Variants in CHGB observed in about 807,000 individuals in gnomAD.
CHGB encodes the protein chromogranin B.
A neutral mutation model predicts 69.9 loss-of-function variants in CHGB; 46 were observed. The ratio of observed to expected loss-of-function variants is 0.66; its 90% CI spans 0.52 to 0.84. The LOEUF (loss-of-function observed/expected upper bound fraction) is 0.84, where lower values mean the gene tolerates loss of function less well. Ranked by LOEUF, CHGB falls within the 40% of genes least tolerant of loss-of-function variation. The pLI is 0.00. For missense variants in CHGB, 796 were observed against 822.2 expected (o/e 0.97, Z 0.39); for synonymous variants, 312 against 298.2 (o/e 1.05, Z -0.48).
In CHGB at chr20:5,923,395, C is replaced by T. The variant is rs1175951822; in HGVS notation, c.1251C>T (p.Arg417=). 1 of 1,613,890 alleles carries T rather than the reference C, an allele frequency of 6.2e-7. No homozygotes were observed. Among genetic ancestry groups the T allele is most frequent in the Non-Finnish European group, 8.5e-7 (1 of 1,179,962 alleles). Residue 417 remains arginine, a synonymous_variant, in exon 4 of 5, where the codon CGC becomes CGT. Coordinates refer to ENST00000378961, the MANE Select transcript of CHGB (RefSeq NM_001819.3). ...EERGLEPGKG[R]HHRGRGGEPR... ...GGGGCCTTGAGCCGGGAAAGGGACGCCATCACAGAGGCAGGGGAGGGGAGC... is the reference window on the plus strand; with the variant it reads ...GGGGCCTTGAGCCGGGAAAGGGACGTCATCACAGAGGCAGGGGAGGGGAGC...
intron 3 of CHGB, among the ~76,000 whole-genome samples, chr20:5,919,950 A>C (rs1349580292): frequency 6.6e-6 from 1 of 152,266 alleles, no homozygotes; most frequent in East Asian, 1.9e-4. Context: ...GGGAAGACGT[A>C]GTCTAATTTC....
chr20:5,924,904 G>A (rs236155), intron 4 of CHGB, 68 bp from the exon 5 acceptor site: 382,390 of 914,172 alleles, frequency 0.42, 84,069 homozygotes, highest in African/African-American at 0.63. Flanking sequence ...TTGCACTCAT[G>A]CTCCATCAAA....
In CHGB at chr20:5,922,642, G is replaced by A; in HGVS notation, c.498G>A (p.Glu166=). ...AGAAGAGCCAGAGAGAGGATGAGGA[G>A]GAGGAGGAGGGAGAGAACTATCAAA... ...HSEKSQREDE[E]EEEGENYQKG... Residue 166 remains glutamate, a synonymous_variant, in exon 4 of 5, where the codon GAG becomes GAA. Coordinates refer to ENST00000378961, the MANE Select transcript of CHGB (RefSeq NM_001819.3). 6.2e-7 allele frequency: 1 copy of A among 1,613,984 alleles called. No individual in the cohort carries two copies. Among genetic ancestry groups the A allele is most frequent in the Non-Finnish European group, 8.5e-7 (1 of 1,179,914 alleles).
At chr20:5,913,249 G>C (rs193049313) in intron 1 of CHGB, among the ~76,000 whole-genome samples, 5 of 152,272 alleles carry the variant, frequency 3.3e-5, no homozygotes, top group Admixed American at 3.3e-4. Context: ...AAATTATATA[G>C]TTCAGTGGTT....
intron 2 of CHGB, 113 bp from the exon 3 acceptor site, chr20:5,916,713 A>T: frequency 1.1e-6 from 1 of 913,562 alleles, no homozygotes; most frequent in Non-Finnish European, 1.8e-6. Flanking sequence ...CCCTAAGAAT[A>T]CTGCATCAGC....
chr20:5,921,860 ACTAT>A (rs1014491333), intron 3 of CHGB, among the ~76,000 whole-genome samples: 3 of 152,256 alleles, frequency 2.0e-5, no homozygotes, highest in African/African-American at 7.2e-5. Flanking sequence ...TGGCTAGTTA[ACTAT>A]CTAGCTGGAT....
chr20:5,916,905 A>C lies in CHGB; in HGVS notation c.176A>C (p.Gln59Pro). The C allele has an allele frequency of 1.2e-6, 2 of 1,614,172 alleles. No homozygotes were observed. The highest frequency in any genetic ancestry group is 1.7e-6 in the Non-Finnish European group (2 of 1,180,002). ...SAPPITPECRQVLKTSRKDVK... is the reference protein window; with the variant it reads ...SAPPITPECRPVLKTSRKDVK... ...CCACCCATCACCCCTGAGTGCCGCCAAGTCCTGAAGACGAGTAAGTGTCCC... is the reference window on the plus strand; with the variant it reads ...CCACCCATCACCCCTGAGTGCCGCCCAGTCCTGAAGACGAGTAAGTGTCCC... Residue 59 changes from glutamine to proline, a missense_variant, in exon 3 of 5, where the codon CAA (glutamine) becomes CCA (proline). Around this residue, in one of 3 missense-constraint regions of CHGB, gnomAD observed 518 missense variants for 506.3 expected, o/e 1.02. Transcript: ENST00000378961.
rs749229701 is a variant in CHGB, at chr20:5,924,983, C to T, written c.1968C>T (p.Leu656=). Residue 656 remains leucine, a synonymous_variant, in exon 5 of 5, where the codon CTC becomes CTT. Transcript: ENST00000378961. ...TCTGTATTTTCCAGAAAAAAGAACT[C>T]GAAAACTTGGCTGCAATGGATTTGG... ...TVLTEDEKKE[L]ENLAAMDLEL... is the part of the protein sequence containing the mutation. 33 of 1,611,722 alleles carry T rather than the reference C, an allele frequency of 2.0e-5. No individual in the cohort carries two copies. Among genetic ancestry groups the T allele is most frequent in the African/African-American group, 1.3e-4 (10 of 74,858 alleles).
In CHGB at chr20:5,923,064, C is replaced by T. The variant is rs866712045; in HGVS notation, c.920C>T (p.Pro307Leu). ...GSLPSEEKGH[P>L]QEESEESNVS... ...CTTCCCTCTGAGGAAAAGGGACACC[C>T]CCAGGAGGAATCTGAGGAGTCAAAC... Residue 307 changes from proline (P) to leucine (L), a missense_variant, in exon 4 of 5, where the codon CCC (proline) becomes CTC (leucine). Pro to Leu is a moderately conservative substitution (Grantham distance 98). This residue lies in a region of CHGB where 518 missense variants were observed against 506.3 expected (regional missense o/e 1.02). Coordinates refer to ENST00000378961, the MANE Select transcript of CHGB (RefSeq NM_001819.3). 1 of 1,614,050 alleles carries T rather than the reference C, an allele frequency of 6.2e-7. No homozygotes were observed. Among genetic ancestry groups the T allele is most frequent in the Non-Finnish European group, 8.5e-7 (1 of 1,179,988 alleles).
chr20:5,918,429 A>C (rs909799427), intron 3 of CHGB, among the ~76,000 whole-genome samples: 3 of 151,582 alleles, frequency 2.0e-5, no homozygotes, highest in African/African-American at 7.3e-5. Context: ...CCAAATAAAC[A>C]CCTCTCGCTG....
At chr20:5,924,326 G>A (rs1443499529) in intron 4 of CHGB, among the ~76,000 whole-genome samples, 2 of 152,160 alleles carry the variant, frequency 1.3e-5, no homozygotes, top group Non-Finnish European at 2.9e-5. Flanking sequence ...TCTCAACCTT[G>A]TCTGCACACT....
chr20:5,916,265 G>T, intron 1 of CHGB, 61 bp from the exon 2 acceptor site: 2 of 1,317,238 alleles, frequency 1.5e-6, no homozygotes, highest in Non-Finnish European at 1.1e-6. Context: ...TTTGTCAGTT[G>T]GGGTCACACA....
intron 1 of CHGB, among the ~76,000 whole-genome samples, chr20:5,915,040 A>G (rs2088467514): frequency 1.3e-5 from 2 of 152,222 alleles, no homozygotes. Context: ...TGCCCCAGCT[A>G]GCTCTACTCT....
At chr20:5,917,461 A>G (rs922231735) in intron 3 of CHGB, 2 of 158,330 alleles carry the variant, frequency 1.3e-5, no homozygotes, top group Admixed American at 6.0e-5. Context: ...ATTAGCTAAG[A>G]TATTTTAATG....
In CHGB at chr20:5,922,564, C is replaced by T. The variant is rs1249068950; in HGVS notation, c.420C>T (p.Ser140=). Residue 140 remains serine (S), a synonymous_variant, in exon 4 of 5, where the codon AGC becomes AGT. Transcript: ENST00000378961. ...SRERADEPQW[S]LYPSDSQVSE... ...AGCGAGCGGATGAGCCCCAGTGGAG[C>T]CTCTATCCCTCCGACAGCCAAGTCT... is the stretch of plus-strand genomic sequence containing the variant. 2 of 1,613,540 alleles carry T rather than the reference C, an allele frequency of 1.2e-6. No homozygotes were observed. The highest frequency in any genetic ancestry group is 1.3e-5 in the African/African-American group (1 of 74,858).
intron 3 of CHGB, among the ~76,000 whole-genome samples, chr20:5,921,950 T>G (rs1189978501): frequency 6.6e-6 from 1 of 152,170 alleles, no homozygotes; most frequent in Non-Finnish European, 1.5e-5. Context: ...TGGTCTTGGA[T>G]TATACCATGC....
chr20:5,916,298 C>A (rs1044857528), intron 1 of CHGB, 28 bp from the exon 2 acceptor site: 2 of 1,607,076 alleles, frequency 1.2e-6, no homozygotes, highest in East Asian at 2.2e-5. Context: ...CAACTCAAGT[C>A]ATTTTCCATT....
At chr20:5,911,857 G>T (rs1234559564) in intron 1 of CHGB, among the ~76,000 whole-genome samples, 175 bp downstream of exon 1, 1 of 152,204 alleles carries the variant, frequency 6.6e-6, no homozygotes, top group Non-Finnish European at 1.5e-5. Flanking sequence ...CCTCCCACCC[G>T]TTTGACTTGG....
At chr20:5,915,656 T>C (rs1385364769) in intron 1 of CHGB, 2 of 152,342 alleles carry the variant, frequency 1.3e-5, no homozygotes, top group East Asian at 1.9e-4. Context: ...CCACAGATCT[T>C]TACCTATTTG....
Sources: allele counts gnomAD v4.1 joint callset (sites outside exome capture counted in the v4.1 genomes callset), GRCh38; gene constraint gnomAD v4.1.1; regional missense constraint gnomAD v4.1.1; transcripts MANE v1.5; gene names NCBI Gene and HGNC (gene_info 2026-07-23, HGNC 2026-07-21).